The following SIN3B variants were observed in gnomAD, a reference collection of about 807,000 sequenced individuals.
SIN3B encodes the protein paired amphipathic helix protein Sin3b.
Under a neutral mutation model 120.2 loss-of-function variants are expected in SIN3B, and 19 were observed. That is an observed-to-expected ratio of 0.16 (90% CI 0.11 to 0.23). The LOEUF is 0.23. Among genes scored for constraint, SIN3B ranks in the 10% least tolerant of loss-of-function variants. The probability of loss-of-function intolerance (pLI) is 1.00; values close to 1 mark genes in which losing one functional copy is unlikely to be tolerated. For missense variants in SIN3B, 1,073 were observed against 1,573.0 expected, an observed-to-expected ratio of 0.68 and a Z score of 5.38; for synonymous variants, 654 against 653.2, an observed-to-expected ratio of 1.00 and a Z score of -0.02.
intron 16 of SIN3B, chr19:16,877,224 C>T (rs1763637898): frequency 5.2e-6 from 2 of 382,680 alleles, no homozygotes; most frequent in Non-Finnish European, 9.6e-6. Context: ...GTCAGCAGTC[C>T]ACAACCACAG....
At chr19:16,875,242 G>GGT in intron 14 of SIN3B, among the ~76,000 whole-genome samples, 1 of 143,846 alleles carries the variant, frequency 7.0e-6, no homozygotes, top group African/African-American at 2.6e-5. Context: ...GGTCTGGTCT[G>GGT]TTTGGTCTGG....
At chr19:16,832,338 C>A (rs1005103733) in intron 3 of SIN3B, among the ~76,000 whole-genome samples, 1 of 151,780 alleles carries the variant, frequency 6.6e-6, no homozygotes, top group East Asian at 1.9e-4. Flanking sequence ...GCTGGGATTA[C>A]AGGTGTGCAC....
chr19:16,847,180 G>T, intron 5 of SIN3B, 67 bp downstream of exon 5: 1 of 1,550,730 alleles, frequency 6.4e-7, no homozygotes, highest in South Asian at 1.2e-5. Context: ...CAGCCAGCTT[G>T]ACCCATGTCC....
chr19:16,841,702 G>A, intron 3 of SIN3B, 66 bp from the exon 4 acceptor site: 1 of 1,439,900 alleles, frequency 6.9e-7, no homozygotes, highest in South Asian at 1.1e-5. Context: ...CAGTGGCTGG[G>A]CCTGGTGTTT....
intron 4 of SIN3B, among the ~76,000 whole-genome samples, chr19:16,842,672 A>G (rs1001970575): frequency 1.3e-5 from 2 of 152,194 alleles, no homozygotes; most frequent in Admixed American, 6.5e-5. Flanking sequence ...AGCTGGGGCT[A>G]CAGAGACAAA....
At position 16,876,530 on chromosome 19, in the gene SIN3B, G is replaced by A. The variant is rs2051610604; in HGVS notation, c.2811G>A (p.Glu937=). The change falls in exon 16 of 19, where the codon GAG becomes GAA. Residue 937 remains glutamate, a synonymous_variant. Coordinates refer to ENST00000248054, the MANE Select transcript of SIN3B (RefSeq NM_001297595.2). This position sits in a 1 kb window ranked among gnomAD's most constrained non-coding sequence, Gnocchi z 7.1. ...AAGGGCAGGTGATCATGACCATCGAGCTCCTGGACACCGAGGAGGCCCAGA... is the reference window on the plus strand; with the variant it reads ...AAGGGCAGGTGATCATGACCATCGAACTCCTGGACACCGAGGAGGCCCAGA... The part of the protein sequence containing the change: ...QRKGQVIMTI[E]LLDTEEAQTE... 6.2e-7 allele frequency: 1 copy of A among 1,613,526 alleles called. No individual in the cohort carries two copies. Among genetic ancestry groups the A allele is most frequent in the Non-Finnish European group, 8.5e-7 (1 of 1,179,930 alleles).
intron 8 of SIN3B, among the ~76,000 whole-genome samples, chr19:16,855,984 GA>G (rs781603429): frequency 5.3e-5 from 8 of 152,082 alleles, no homozygotes; most frequent in Non-Finnish European, 1.2e-4. Context: ...TTGAGCCAGG[GA>G]GGTCAAGGCT....
intron 12 of SIN3B, among the ~76,000 whole-genome samples, chr19:16,869,182 C>T (rs375042153): frequency 1.3e-5 from 2 of 152,192 alleles, no homozygotes; most frequent in East Asian, 3.9e-4. Context: ...CGCCCCACAT[C>T]TCAGAATCCT....
chr19:16,842,841 G>A (rs1971434719), intron 4 of SIN3B, among the ~76,000 whole-genome samples: 1 of 152,206 alleles, frequency 6.6e-6, no homozygotes. Flanking sequence ...GGACAGTCAG[G>A]TTGAATCTTG....
At chr19:16,856,544 T>G (rs1971616750) in intron 8 of SIN3B, among the ~76,000 whole-genome samples, 2 of 151,696 alleles carry the variant, frequency 1.3e-5, no homozygotes, top group Admixed American at 1.3e-4. Context: ...TCCTAAAGAA[T>G]CGAAGAGCAT....
chr19:16,878,095 G>GGTCCCAGGCCTGGGGGT (rs2051634319), intron 17 of SIN3B, 88 bp from the exon 18 acceptor site: 1 of 1,129,708 alleles, frequency 8.9e-7, no homozygotes, highest in Admixed American at 2.7e-5. Context: ...ATCTTCTGAT[G>GGTCCCAGGCCTGGGGGT]GTCCCAGGCC....
At chr19:16,871,447 C>G (rs905350415) in intron 14 of SIN3B, 49 bp downstream of exon 14, 1 of 1,534,744 alleles carries the variant, frequency 6.5e-7, no homozygotes. Flanking sequence ...GGAAATGGCT[C>G]TACCATCATT....
intron 4 of SIN3B, among the ~76,000 whole-genome samples, chr19:16,844,531 G>C (rs1206652551): frequency 6.6e-6 from 1 of 152,196 alleles, no homozygotes; most frequent in Non-Finnish European, 1.5e-5. Flanking sequence ...ACGTATGCAT[G>C]TCCTGTGTGT....
At chr19:16,866,617 G>A (rs1416377132) in intron 12 of SIN3B, 61 bp downstream of exon 12, 8 of 1,523,588 alleles carry the variant, frequency 5.3e-6, no homozygotes, top group Middle Eastern at 1.7e-4. Context: ...CCCGACCGCC[G>A]GGTCTGTGCC....
rs779413580 is a variant in SIN3B, at chr19:16,854,150, G to A, written c.947G>A (p.Arg316Gln). Residue 316 changes from arginine to glutamine, a missense_variant, in exon 8 of 19, where the codon CGG becomes CAG. Physicochemically the swap from Arg to Gln is conservative, Grantham distance 43 (BLOSUM62 1). Coordinates refer to ENST00000248054, the MANE Select transcript of SIN3B (RefSeq NM_001297595.2). ...TGACTGCTCTCTCTGCAGGTCCGCC[G>A]GGTGCTGAAGAGCCAGGAGGTGTAT... Reference protein sequence around the residue: ...QEFSFFDKVRRVLKSQEVYEN... With the variant: ...QEFSFFDKVRQVLKSQEVYEN... 1.2e-5 allele frequency: 19 copies of A among 1,611,010 alleles called. No homozygotes were observed. The highest frequency in any genetic ancestry group is 3.3e-5 in the South Asian group (3 of 90,884).
rs148134889 is a variant in SIN3B, at chr19:16,852,273, C to T, written c.849+739C>T. On this transcript the variant is annotated intron_variant, in intron 6 of 18. Transcript: ENST00000248054. ...TTCCTGTGTCCTTTTGGCATGTCCT[C>T]ATCATTCTTTCTCCTGTGGGGGGAT... 3.9e-4 allele frequency among the ~76,000 whole-genome samples: 59 copies of T among 152,192 alleles called. No homozygotes were observed. The East Asian group carries it at 4.5e-3, about 11-fold the overall frequency.
chr19:16,856,588 T>C (rs1364946764), intron 8 of SIN3B, among the ~76,000 whole-genome samples: 1 of 152,018 alleles, frequency 6.6e-6, no homozygotes, highest in Non-Finnish European at 1.5e-5. Flanking sequence ...TTTTTTTTTT[T>C]CAAGACAGAG....
At chr19:16,835,495 CT>C (rs35239779) in intron 3 of SIN3B, among the ~76,000 whole-genome samples, 87,777 of 136,330 alleles carry the variant, frequency 0.64, 27,856 homozygotes, top group Non-Finnish European at 0.69. Flanking sequence ...TCCCAAAGTT[CT>C]TTTTTTTTTT....
At chr19:16,863,118 A>G in intron 9 of SIN3B, 2 of 656,504 alleles carry the variant, frequency 3.0e-6, no homozygotes, top group Non-Finnish European at 5.3e-6. Context: ...TTGAGTATTC[A>G]TCTGGGATGG....
Sources: allele counts gnomAD v4.1 joint callset (sites outside exome capture counted in the v4.1 genomes callset), GRCh38; gene constraint gnomAD v4.1.1; non-coding constraint Gnocchi (gnomAD v3.1); transcripts MANE v1.5; gene names NCBI Gene and HGNC (gene_info 2026-07-23, HGNC 2026-07-21).